IPO11: variants seen among roughly 807,000 people sequenced by gnomAD.
IPO11 encodes the protein importin 11, also known as importin-11.
In IPO11, 66 loss-of-function variants were observed where a neutral mutation model predicts 143.2. The ratio of observed to expected loss-of-function variants is 0.46; its 90% CI spans 0.38 to 0.57. The LOEUF is 0.57. IPO11 is among the 20% of genes least tolerant of loss of function. The pLI, the probability that IPO11 is intolerant of heterozygous loss-of-function variation, is 0.00. For synonymous variants in IPO11, 385 were observed against 377.8 expected, an observed-to-expected ratio of 1.02 and a Z score of -0.22; for missense variants, 1,026 against 1,141.0, an observed-to-expected ratio of 0.90 and a Z score of 1.45.
chr5:62,531,263 A>C, intron 22 of IPO11, among the ~76,000 whole-genome samples: 1 of 152,278 alleles, frequency 6.6e-6, no homozygotes, highest in Non-Finnish European at 1.5e-5. Context: ...CTGCAGCTTC[A>C]AACTACTGGA....
intron 29 of IPO11, among the ~76,000 whole-genome samples, chr5:62,619,084 A>T (rs1052188335): frequency 6.6e-6 from 1 of 152,126 alleles, no homozygotes; most frequent in Admixed American, 6.5e-5. Context: ...TTAGCCAGGC[A>T]TGGTATTGCA....
chr5:62,583,083 A>G (rs2112410744), intron 27 of IPO11, among the ~76,000 whole-genome samples: 1 of 152,328 alleles, frequency 6.6e-6, no homozygotes, highest in Non-Finnish European at 1.5e-5. Context: ...ATTTAAATAA[A>G]CATTATTTTT....
chr5:62,420,908 C>T (rs951188236), intron 1 of IPO11, among the ~76,000 whole-genome samples: 1 of 152,148 alleles, frequency 6.6e-6, no homozygotes, highest in African/African-American at 2.4e-5. Context: ...GTGTCCTGGT[C>T]ATAGAATACA....
At chr5:62,626,850 T>G (rs1321733267) in intron 29 of IPO11, among the ~76,000 whole-genome samples, 2 of 152,230 alleles carry the variant, frequency 1.3e-5, no homozygotes, top group Non-Finnish European at 2.9e-5. Context: ...CAGCATGTTC[T>G]GTTTCTTTTA....
intron 24 of IPO11, among the ~76,000 whole-genome samples, chr5:62,546,023 T>G (rs1743162449): frequency 6.6e-6 from 1 of 152,164 alleles, no homozygotes; most frequent in African/African-American, 2.4e-5. Context: ...GTTCAACCAT[T>G]GTGGAAGACA....
intron 7 of IPO11, among the ~76,000 whole-genome samples, chr5:62,473,166 A>G (rs1745843843): frequency 6.6e-6 from 1 of 152,354 alleles, no homozygotes; most frequent in South Asian, 2.1e-4. Flanking sequence ...TGAAGTTGTC[A>G]TCCTGAAGTT....
At chr5:62,491,427 A>G (rs1415450062) in intron 15 of IPO11, among the ~76,000 whole-genome samples, 2 of 152,176 alleles carry the variant, frequency 1.3e-5, no homozygotes, top group African/African-American at 2.4e-5. Context: ...GGCGAAACAA[A>G]TGTGCAGTTT....
intron 20 of IPO11, among the ~76,000 whole-genome samples, chr5:62,519,357 G>T (rs1742132624): frequency 6.6e-6 from 1 of 151,810 alleles, no homozygotes; most frequent in Non-Finnish European, 1.5e-5. Flanking sequence ...TTTCCTTTTT[G>T]GTGGAAGAAT....
At chr5:62,452,429 A>G (rs1439534622) in intron 5 of IPO11, among the ~76,000 whole-genome samples, 1 of 151,004 alleles carries the variant, frequency 6.6e-6, no homozygotes, top group African/African-American at 2.5e-5. Context: ...TACACTCTGA[A>G]GGCAAGGAGG....
intron 27 of IPO11, among the ~76,000 whole-genome samples, chr5:62,568,883 T>C (rs1238067041): frequency 6.6e-6 from 1 of 152,162 alleles, no homozygotes; most frequent in Non-Finnish European, 1.5e-5. Flanking sequence ...GTACCTGTCT[T>C]TCTTCAGAGG....
intron 1 of IPO11, among the ~76,000 whole-genome samples, chr5:62,434,267 A>G (rs1744093813): frequency 1.3e-5 from 2 of 151,896 alleles, no homozygotes; most frequent in Non-Finnish European, 2.9e-5. Context: ...CTGAATACCC[A>G]GTCTAAAGTG....
chr5:62,616,408 T>A (rs995078326), intron 29 of IPO11, among the ~76,000 whole-genome samples: 1 of 152,102 alleles, frequency 6.6e-6, no homozygotes, highest in Non-Finnish European at 1.5e-5. Context: ...AAATAACATT[T>A]AAAAATATAT....
chr5:62,550,379 G>A lies in IPO11; in HGVS notation c.2263G>A (p.Ala755Thr), dbSNP rs200283687. The change falls in exon 25 of 30, where the codon GCC becomes ACC. Residue 755 changes from alanine to threonine, a missense_variant. Transcript: ENST00000325324. ...QVQVLKVVEN[A>T]LKVNPILGPQ... The stretch of plus-strand genomic sequence containing the variant: ...TTCTGGTTTTTAGGTTGTGGAAAAT[G>A]CCCTTAAAGTGAACCCAATACTAGG... 2 of 1,611,244 alleles carry A rather than the reference G, an allele frequency of 1.2e-6. No individual in the cohort carries two copies. Among genetic ancestry groups the A allele is most frequent in the Non-Finnish European group, 1.7e-6 (2 of 1,178,058 alleles).
chr5:62,450,105 T>A (rs1744857325), intron 4 of IPO11, 106 bp downstream of exon 4: 3 of 603,540 alleles, frequency 5.0e-6, no homozygotes, highest in Non-Finnish European at 8.2e-6. Context: ...ACTATTACAC[T>A]ATTTTCATTT....
intron 1 of IPO11, among the ~76,000 whole-genome samples, chr5:62,421,255 A>G (rs989629634): frequency 2.0e-5 from 3 of 152,158 alleles, no homozygotes; most frequent in Non-Finnish European, 4.4e-5. Context: ...ATTCTGTATA[A>G]TACACCTTTG....
rs1216897002 is a variant in IPO11, at chr5:62,489,321, T to C, written c.1329T>C (p.Asp443=). 2.6e-6 allele frequency: 4 copies of C among 1,566,128 alleles called. No individual in the cohort carries two copies. Among genetic ancestry groups the C allele is most frequent in the Admixed American group, 3.5e-5 (2 of 56,462 alleles). The change falls in exon 14 of 30, where the codon GAT becomes GAC. Residue 443 remains aspartate, a synonymous_variant. Transcript: ENST00000325324. ...TTTTAGGACCCACAAATGTGGAAGA[T>C]ATGAATGCACTGTTAATCAAAGATG... The part of the protein sequence containing the change: ...QTLQGPTNVE[D]MNALLIKDAV...
chr5:62,504,660 C>G lies in IPO11; in HGVS notation c.1591-7C>G. The G allele has an allele frequency of 6.9e-7, 1 of 1,439,790 alleles. No homozygotes were observed. Among genetic ancestry groups the G allele is most frequent in the East Asian group, 2.4e-5 (1 of 42,320 alleles). 89.2% of individuals were successfully genotyped at this position (1,439,790 alleles called of 1,614,324 possible). On this transcript the variant is annotated splice_region_variant and splice_polypyrimidine_tract_variant and intron_variant, in intron 16 of 29. Transcript: ENST00000325324. Reference sequence around the variant, plus strand: ...TAATTAAAAACTAATGATATACTTTCTTTTAGGTCCGTATTGAAACAGCTA... The same window carrying G: ...TAATTAAAAACTAATGATATACTTTGTTTTAGGTCCGTATTGAAACAGCTA...
intron 22 of IPO11, 88 bp downstream of exon 22, chr5:62,530,873 A>T: frequency 1.2e-5 from 12 of 960,694 alleles, no homozygotes; most frequent in Non-Finnish European, 1.8e-5. Flanking sequence ...CATTACAACA[A>T]AGTTGTAAGT....
intron 29 of IPO11, among the ~76,000 whole-genome samples, chr5:62,620,387 C>T (rs1342438387): frequency 6.6e-6 from 1 of 151,854 alleles, no homozygotes; most frequent in South Asian, 2.1e-4. Flanking sequence ...GGTGTGGTGG[C>T]GGGTGCCTGT....
Sources: allele counts gnomAD v4.1 joint callset (sites outside exome capture counted in the v4.1 genomes callset), GRCh38; gene constraint gnomAD v4.1.1; transcripts MANE v1.5; gene names NCBI Gene and HGNC (gene_info 2026-07-23, HGNC 2026-07-21).